MAGI2: variants seen among roughly 807,000 people sequenced by gnomAD.
The protein encoded by MAGI2 is membrane-associated guanylate kinase, WW and PDZ domain-containing protein 2.
In MAGI2, 35 loss-of-function variants were observed where a neutral mutation model predicts 133.3. The observed-to-expected ratio is 0.26, with a 90% confidence interval of 0.20 to 0.35. The LOEUF (loss-of-function observed/expected upper bound fraction) is 0.35, where lower values mean the gene tolerates loss of function less well. Ranked by LOEUF, MAGI2 falls within the 10% of genes least tolerant of loss-of-function variation. The pLI, the probability that MAGI2 is intolerant of heterozygous loss-of-function variation, is 1.00. For synonymous variants in MAGI2, 729 were observed against 710.6 expected, an observed-to-expected ratio of 1.03 and a Z score of -0.41; for missense variants, 1,636 against 1,863.4, an observed-to-expected ratio of 0.88 and a Z score of 2.25.
intron 3 of MAGI2, among the ~76,000 whole-genome samples, chr7:78,573,241 T>TAAAAATATATATAA (rs1446896021): frequency 2.5e-4 from 13 of 51,306 alleles, no homozygotes; most frequent in African/African-American, 1.1e-3. Context: ...TAAATATATA[T>TAAAAATATATATAA]ATATAAATAT....
At chr7:79,003,862 C>G (rs920816098) in intron 2 of MAGI2, among the ~76,000 whole-genome samples, 2 of 152,036 alleles carry the variant, frequency 1.3e-5, no homozygotes, top group African/African-American at 4.8e-5. Context: ...GTTCAACATC[C>G]CTAATCCCCA....
At chr7:78,720,480 A>C (rs1410085441) in intron 2 of MAGI2, among the ~76,000 whole-genome samples, 1 of 152,074 alleles carries the variant, frequency 6.6e-6, no homozygotes, top group Admixed American at 6.5e-5. Flanking sequence ...GTCTAAAATC[A>C]GTCATCTTAA....
intron 1 of MAGI2, among the ~76,000 whole-genome samples, chr7:79,139,282 T>C (rs1039136836): frequency 1.4e-4 from 21 of 152,210 alleles, no homozygotes; most frequent in Non-Finnish European, 1.9e-4. Flanking sequence ...AATCTAATAG[T>C]TAGGATTTCC....
intron 21 of MAGI2, among the ~76,000 whole-genome samples, chr7:78,030,474 C>G (rs1289792604): frequency 6.6e-6 from 1 of 152,118 alleles, no homozygotes; most frequent in Non-Finnish European, 1.5e-5. Context: ...CCAGGATGGT[C>G]TTGATCTCTT....
At chr7:78,586,500 A>T (rs746341348) in intron 3 of MAGI2, among the ~76,000 whole-genome samples, 3 of 152,200 alleles carry the variant, frequency 2.0e-5, no homozygotes, top group Non-Finnish European at 4.4e-5. Flanking sequence ...TCTGGGCAAT[A>T]AGGCAGACTG....
At chr7:78,982,139 G>A (rs564270612) in intron 2 of MAGI2, among the ~76,000 whole-genome samples, 9 of 151,956 alleles carry the variant, frequency 5.9e-5, no homozygotes, top group African/African-American at 2.2e-4. Context: ...AAGCTTAGGT[G>A]CTTTTCATGT....
At chr7:78,377,884 A>G (rs4236584) in intron 6 of MAGI2, among the ~76,000 whole-genome samples, 122,692 of 149,926 alleles carry the variant, frequency 0.82, 50,332 homozygotes, top group Admixed American at 0.85. Context: ...ATAATCAGAA[A>G]ATGATAGCCA....
At chr7:78,795,668 A>C (rs2151377677) in intron 2 of MAGI2, among the ~76,000 whole-genome samples, 2 of 152,192 alleles carry the variant, frequency 1.3e-5, no homozygotes, top group South Asian at 4.1e-4. Context: ...ATTCGTACGG[A>C]ATCACAAAAG....
intron 2 of MAGI2, among the ~76,000 whole-genome samples, chr7:78,801,909 T>C (rs963029178): frequency 2.6e-5 from 4 of 152,194 alleles, no homozygotes; most frequent in African/African-American, 9.6e-5. Flanking sequence ...AATGGTCATC[T>C]AACATACACC....
At chr7:78,159,848 T>A (rs531980031) in intron 16 of MAGI2, 177 bp downstream of exon 16, 2 of 650,932 alleles carry the variant, frequency 3.1e-6, no homozygotes, top group South Asian at 8.3e-5. Context: ...GAGCCAGAGG[T>A]CAGTAACTGT....
intron 1 of MAGI2, among the ~76,000 whole-genome samples, chr7:79,040,489 G>T (rs181003827): frequency 6.2e-4 from 94 of 152,078 alleles, no homozygotes; most frequent in African/African-American, 2.2e-3. Flanking sequence ...AGGATGAAGA[G>T]TCAGTTAATG....
At chr7:79,146,440 T>C (rs1822632516) in intron 1 of MAGI2, among the ~76,000 whole-genome samples, 1 of 152,144 alleles carries the variant, frequency 6.6e-6, no homozygotes, top group South Asian at 2.1e-4. Flanking sequence ...TCCTGTAGGG[T>C]CCAATCTTTG....
At chr7:78,475,461 T>C (rs978077657) in intron 6 of MAGI2, among the ~76,000 whole-genome samples, 4 of 151,864 alleles carry the variant, frequency 2.6e-5, no homozygotes, top group African/African-American at 9.7e-5. Flanking sequence ...AAGGATTTCA[T>C]AGAGAAAAGT....
At chr7:78,047,370 T>C (rs970577763) in intron 21 of MAGI2, among the ~76,000 whole-genome samples, 2 of 152,202 alleles carry the variant, frequency 1.3e-5, no homozygotes, top group Admixed American at 6.5e-5. Flanking sequence ...AGCCTGTAAT[T>C]GCACCAGCCT....
chr7:79,342,759 G>A (rs1563134571), intron 1 of MAGI2, among the ~76,000 whole-genome samples: 1 of 151,846 alleles, frequency 6.6e-6, no homozygotes, highest in East Asian at 1.9e-4. Context: ...TTATTTGTTT[G>A]TTTATTTATT....
intron 3 of MAGI2, among the ~76,000 whole-genome samples, chr7:78,584,542 G>C (rs1803199527): frequency 6.6e-6 from 1 of 151,274 alleles, no homozygotes; most frequent in Admixed American, 6.6e-5. Flanking sequence ...GGTGTTAAAA[G>C]CTTTCTGCAT....
chr7:78,083,387 G>GGAGAGGGAGA (rs1816232684), intron 20 of MAGI2, among the ~76,000 whole-genome samples: 1 of 33,300 alleles, frequency 3.0e-5, no homozygotes, highest in African/African-American at 1.3e-4. Context: ...AGGGAGGGGG[G>GGAGAGGGAGA]GAGAGAGAGA....
In MAGI2 at chr7:78,256,232, G is replaced by A. The variant is rs757990473; in HGVS notation, c.1758C>T (p.Val586=). 21 of 1,613,964 alleles carry A rather than the reference G, an allele frequency of 1.3e-5. No individual in the cohort carries two copies. Among genetic ancestry groups the A allele is most frequent in the Non-Finnish European group, 1.8e-5 (21 of 1,179,998 alleles). Residue 586 remains valine (V), a synonymous_variant, in exon 10 of 22, where the codon GTC becomes GTT. Transcript: ENST00000354212. ...GQLDGTYPPP[V]HDDNVSMASS... ...AAGCCATAGACACATTGTCATCATG[G>A]ACGGGCGGTGGATACGTGCCGTCTA...
At chr7:79,339,983 T>G (rs1370412652) in intron 1 of MAGI2, among the ~76,000 whole-genome samples, 1 of 152,160 alleles carries the variant, frequency 6.6e-6, no homozygotes, top group Non-Finnish European at 1.5e-5. Flanking sequence ...ATCCTGAGTA[T>G]GTAGCAGAAA....
Sources: gnomAD v4.1 joint callset for allele counts (sites outside exome capture counted in the v4.1 genomes callset) on GRCh38, gnomAD v4.1.1 for gene constraint, MANE v1.5 for transcripts, NCBI Gene and HGNC (gene_info 2026-07-23, HGNC 2026-07-21) for gene names.